The following TENM2 variants were observed in gnomAD, a reference collection of about 807,000 sequenced individuals.
The protein encoded by TENM2 is teneurin transmembrane protein 2.
TENM2 carries 52 observed loss-of-function variants against 245.2 expected under a neutral mutation model. The observed-to-expected ratio is 0.21, with a 90% CI of 0.17 to 0.27. TENM2 has a LOEUF of 0.27. Ranked by LOEUF, TENM2 falls within the 10% of genes least tolerant of loss-of-function variation. The pLI is 1.00. For synonymous variants in TENM2, 1,363 were observed against 1,438.9 expected, an observed-to-expected ratio of 0.95 and a Z score of 1.19; for missense variants, 3,046 against 3,666.8, an observed-to-expected ratio of 0.83 and a Z score of 4.37.
chr5:167,422,724 C>T (rs1349667961), intron 2 of TENM2, among the ~76,000 whole-genome samples: 1 of 152,094 alleles, frequency 6.6e-6, no homozygotes, highest in African/African-American at 2.4e-5. Context: ...AATCCCTTAA[C>T]GTAAGATACC....
At chr5:168,234,221 C>G (rs1442970672) in intron 25 of TENM2, among the ~76,000 whole-genome samples, 1 of 152,014 alleles carries the variant, frequency 6.6e-6, no homozygotes, top group Non-Finnish European at 1.5e-5. Flanking sequence ...GCTAAGTGAA[C>G]CCAGAGGAAA....
intron 1 of TENM2, among the ~76,000 whole-genome samples, chr5:167,352,719 C>G (rs748241502): frequency 6.6e-6 from 1 of 152,176 alleles, no homozygotes; most frequent in African/African-American, 2.4e-5. Context: ...TGGCAATCTT[C>G]TTCTTAGAGT....
At chr5:167,520,027 C>T (rs993236272) in intron 2 of TENM2, among the ~76,000 whole-genome samples, 1 of 152,062 alleles carries the variant, frequency 6.6e-6, no homozygotes, top group African/African-American at 2.4e-5. Flanking sequence ...AAATTAGAAC[C>T]TTGATTCAAT....
chr5:167,116,338 A>AGATAAC, the TENM2 span: 1 of 152,264 alleles, frequency 6.6e-6, no homozygotes, highest in East Asian at 1.9e-4. Context: ...AGCCAAAGTT[A>AGATAAC]TCTGTTGGAG....
intron 2 of TENM2, among the ~76,000 whole-genome samples, chr5:167,449,840 C>A (rs2127473000): frequency 6.6e-6 from 1 of 152,250 alleles, no homozygotes; most frequent in Admixed American, 6.5e-5. Flanking sequence ...TACCTTTAAT[C>A]CCAGCTACTC....
the TENM2 span, among the ~76,000 whole-genome samples, chr5:167,014,798 C>G: frequency 1.3e-5 from 2 of 152,140 alleles, no homozygotes; most frequent in Non-Finnish European, 2.9e-5. Flanking sequence ...CATCAGAGAC[C>G]GGGGTGAAAC....
intron 3 of TENM2, among the ~76,000 whole-genome samples, chr5:167,950,035 G>T (rs1474018567): frequency 6.6e-6 from 1 of 152,076 alleles, no homozygotes; most frequent in East Asian, 1.9e-4. Flanking sequence ...TGCTTTATAG[G>T]AGGGCTGGGT....
the TENM2 span, among the ~76,000 whole-genome samples, chr5:167,047,052 T>C: frequency 6.6e-6 from 1 of 152,252 alleles, no homozygotes; most frequent in South Asian, 2.1e-4. Context: ...AAACTATCAG[T>C]AGACCTCTTA....
chr5:167,082,996 T>C, the TENM2 span, among the ~76,000 whole-genome samples: 11 of 151,892 alleles, frequency 7.2e-5, no homozygotes, highest in South Asian at 1.0e-3. Flanking sequence ...TGGGAAATAT[T>C]GCAGTATATG....
intron 5 of TENM2, among the ~76,000 whole-genome samples, chr5:168,038,452 C>A (rs1387992832): frequency 1.3e-5 from 2 of 152,192 alleles, no homozygotes; most frequent in African/African-American, 4.8e-5. Flanking sequence ...GCCCCACCTA[C>A]CAACCCTGTC....
chr5:167,353,542 C>A, intron 1 of TENM2, among the ~76,000 whole-genome samples: 1 of 110,976 alleles, frequency 9.0e-6, no homozygotes, highest in South Asian at 3.4e-4. Flanking sequence ...GAGTCTCGCT[C>A]TGTCGCCCAG....
intron 2 of TENM2, among the ~76,000 whole-genome samples, chr5:167,464,589 T>C (rs1305751859): frequency 1.3e-5 from 2 of 152,192 alleles, no homozygotes; most frequent in South Asian, 2.1e-4. Flanking sequence ...GTATTACTTA[T>C]AGAAGTCTTT....
chr5:166,998,044 C>A, the TENM2 span, among the ~76,000 whole-genome samples: 1 of 151,984 alleles, frequency 6.6e-6, no homozygotes, highest in Non-Finnish European at 1.5e-5. Context: ...TGAGACAAGG[C>A]ATGCAGAGAA....
chr5:168,160,994 G>A (rs768341517), intron 12 of TENM2, among the ~76,000 whole-genome samples: 2 of 152,210 alleles, frequency 1.3e-5, no homozygotes, highest in East Asian at 3.9e-4. Context: ...TCATGCCACT[G>A]CACTCCAGCC....
chr5:167,946,517 T>C (rs1210166713), intron 3 of TENM2, among the ~76,000 whole-genome samples: 1 of 152,170 alleles, frequency 6.6e-6, no homozygotes, highest in African/African-American at 2.4e-5. Flanking sequence ...GGCGATTCCC[T>C]CCAGTTTCTC....
the TENM2 span, among the ~76,000 whole-genome samples, chr5:166,992,388 C>G: frequency 2.9e-4 from 44 of 152,248 alleles, no homozygotes; most frequent in African/African-American, 1.1e-3. Flanking sequence ...AAGGCTTAAT[C>G]TTTTTCTCTG....
intron 2 of TENM2, among the ~76,000 whole-genome samples, chr5:167,678,305 A>G (rs2150368259): frequency 6.6e-6 from 1 of 152,250 alleles, no homozygotes; most frequent in South Asian, 2.1e-4. Context: ...CAAGATACGA[A>G]ACACTTCTTG....
chr5:168,036,634 CAAAA>C (rs201087090), intron 5 of TENM2, among the ~76,000 whole-genome samples: 1 of 60,576 alleles, frequency 1.7e-5, no homozygotes, highest in African/African-American at 7.6e-5. Context: ...GAAACTCCAT[CAAAA>C]AAAAAATATA....
intron 4 of TENM2, among the ~76,000 whole-genome samples, chr5:167,989,854 T>C (rs966691672): frequency 6.6e-6 from 1 of 152,152 alleles, no homozygotes; most frequent in Non-Finnish European, 1.5e-5. Context: ...AGTTTGGTTG[T>C]GACTTGTTCC....
Sources: allele counts gnomAD v4.1 joint callset (sites outside exome capture counted in the v4.1 genomes callset), GRCh38; gene constraint gnomAD v4.1.1; transcripts MANE v1.5; gene names NCBI Gene and HGNC (gene_info 2026-07-23, HGNC 2026-07-21).